DAB1: variants seen among roughly 807,000 people sequenced by gnomAD.
DAB1 encodes DAB adaptor protein 1.
DAB1 carries 15 observed loss-of-function variants against 64.6 expected under a neutral mutation model. That is an observed-to-expected ratio of 0.23 (90% CI 0.16 to 0.36). DAB1 has a LOEUF of 0.36. DAB1 is among the 10% of genes least tolerant of loss of function. DAB1 has a pLI of 1.00. For synonymous variants in DAB1, 235 were observed against 251.9 expected (o/e 0.93, Z 0.64); for missense variants, 596 against 706.7 (o/e 0.84, Z 1.78).
At chr1:58,477,478 T>A (rs1376632959) in intron 3 of DAB1, among the ~76,000 whole-genome samples, 3 of 152,160 alleles carry the variant, frequency 2.0e-5, no homozygotes, top group South Asian at 2.1e-4. Context: ...CCATTCTGTT[T>A]GGGTGGTGTT....
chr1:57,854,560 C>T (rs1653672694), intron 1 of DAB1, among the ~76,000 whole-genome samples: 1 of 152,176 alleles, frequency 6.6e-6, no homozygotes. Flanking sequence ...AGCAATTTGT[C>T]CAAGATCATG....
intron 5 of DAB1, among the ~76,000 whole-genome samples, chr1:58,071,152 G>C (rs980504769): frequency 6.6e-6 from 1 of 152,146 alleles, no homozygotes; most frequent in African/African-American, 2.4e-5. Flanking sequence ...AGATGGGCAG[G>C]AGGAAACGAG....
chr1:57,211,247 T>C (rs942297951), intron 2 of DAB1, among the ~76,000 whole-genome samples: 1 of 152,164 alleles, frequency 6.6e-6, no homozygotes, highest in African/African-American at 2.4e-5. Context: ...GAAGATCTTT[T>C]GGAGGAAACA....
intron 2 of DAB1, among the ~76,000 whole-genome samples, chr1:57,214,948 A>AAAAAC (rs765405735): frequency 3.3e-5 from 5 of 151,672 alleles, no homozygotes; most frequent in African/African-American, 7.2e-5. Flanking sequence ...AAAAGGCAAG[A>AAAAAC]AAAACAAAAC....
intron 1 of DAB1, among the ~76,000 whole-genome samples, chr1:57,857,174 A>G (rs1653791979): frequency 6.6e-6 from 1 of 152,246 alleles, no homozygotes; most frequent in Admixed American, 6.5e-5. Flanking sequence ...TATGTGATAC[A>G]GTAGTTTGAA....
chr1:57,228,609 A>G (rs534259409), intron 2 of DAB1, among the ~76,000 whole-genome samples: 1 of 152,204 alleles, frequency 6.6e-6, no homozygotes, highest in African/African-American at 2.4e-5. Context: ...GGAGCGTAGG[A>G]AACACTCATA....
intron 5 of DAB1, among the ~76,000 whole-genome samples, chr1:58,036,749 T>C (rs1570259502): frequency 6.6e-6 from 1 of 152,142 alleles, no homozygotes; most frequent in Admixed American, 6.5e-5. Flanking sequence ...GAGAGGTAGG[T>C]AGAGGCCAGA....
chr1:57,811,857 A>G (rs1048353721), intron 6 of DAB1, among the ~76,000 whole-genome samples: 1 of 152,180 alleles, frequency 6.6e-6, no homozygotes, highest in Non-Finnish European at 1.5e-5. Flanking sequence ...GTGACTGTTG[A>G]CAATGCTGTT....
At chr1:58,385,410 T>C (rs2100550703) in intron 3 of DAB1, among the ~76,000 whole-genome samples, 1 of 152,356 alleles carries the variant, frequency 6.6e-6, no homozygotes. Flanking sequence ...TCATTCACCT[T>C]CCAAAAGCAT....
At chr1:57,751,466 C>T (rs1415667667) in intron 6 of DAB1, among the ~76,000 whole-genome samples, 1 of 152,104 alleles carries the variant, frequency 6.6e-6, no homozygotes, top group Admixed American at 6.5e-5. Flanking sequence ...CCTCTCTCAG[C>T]CCTGATGACT....
intron 7 of DAB1, among the ~76,000 whole-genome samples, chr1:57,454,721 T>C (rs915288001): frequency 6.6e-6 from 1 of 152,104 alleles, no homozygotes; most frequent in Non-Finnish European, 1.5e-5. Context: ...TATGACAGGT[T>C]GTTGAAGATA....
chr1:58,064,588 G>T (rs1300764989), intron 5 of DAB1, among the ~76,000 whole-genome samples: 2 of 152,174 alleles, frequency 1.3e-5, no homozygotes, highest in Non-Finnish European at 2.9e-5. Context: ...TACTCAGTGC[G>T]GTGCCTGGCA....
chr1:57,110,380 A>G (rs1329282446), intron 4 of DAB1, among the ~76,000 whole-genome samples: 2 of 152,204 alleles, frequency 1.3e-5, no homozygotes, highest in African/African-American at 4.8e-5. Flanking sequence ...CACTGTTTTC[A>G]GATCTGCCAT....
intron 3 of DAB1, among the ~76,000 whole-genome samples, chr1:58,395,809 C>A (rs1644516455): frequency 6.6e-6 from 1 of 152,096 alleles, no homozygotes; most frequent in African/African-American, 2.4e-5. Flanking sequence ...GAGCTTGGTG[C>A]TGGGATTCAG....
At chr1:57,606,795 T>TATATATAGAG (rs1553199598) in intron 7 of DAB1, among the ~76,000 whole-genome samples, 2 of 133,168 alleles carry the variant, frequency 1.5e-5, no homozygotes, top group Non-Finnish European at 3.1e-5. Flanking sequence ...CATATATATA[T>TATATATAGAG]AGAGAGAGAG....
At chr1:57,518,911 C>T (rs927701804) in intron 7 of DAB1, among the ~76,000 whole-genome samples, 27 of 152,276 alleles carry the variant, frequency 1.8e-4, no homozygotes, top group African/African-American at 6.5e-4. Flanking sequence ...TCTGAGCCAG[C>T]TCTGGGGTGG....
At chr1:57,246,742 C>A (rs627489) in intron 2 of DAB1, among the ~76,000 whole-genome samples, 89,503 of 152,088 alleles carry the variant, frequency 0.59, 26,540 homozygotes, top group Admixed American at 0.66. Context: ...TATCCTGCAG[C>A]GCTCCAGGGG....
chr1:58,281,724 C>G (rs1661568021), intron 4 of DAB1, among the ~76,000 whole-genome samples: 1 of 152,138 alleles, frequency 6.6e-6, no homozygotes, highest in Non-Finnish European at 1.5e-5. Flanking sequence ...CCTTTATGAT[C>G]TTAGGCAAGG....
chr1:58,528,975 C>T (rs1323330663), intron 1 of DAB1, among the ~76,000 whole-genome samples: 1 of 152,122 alleles, frequency 6.6e-6, no homozygotes, highest in Non-Finnish European at 1.5e-5. Flanking sequence ...TTTCTTATGA[C>T]CAACTGTGCT....
Sources: allele counts gnomAD v4.1 joint callset (sites outside exome capture counted in the v4.1 genomes callset), GRCh38; gene constraint gnomAD v4.1.1; transcripts MANE v1.5; gene names NCBI Gene and HGNC (gene_info 2026-07-23, HGNC 2026-07-21).